RFX3: variants seen among roughly 807,000 people sequenced by gnomAD.
RFX3 encodes regulatory factor X3.
A neutral mutation model predicts 98.6 loss-of-function variants in RFX3; 14 were observed. That is an observed-to-expected ratio of 0.14 (90% confidence interval 0.09 to 0.22). RFX3 has a LOEUF of 0.22. Among genes scored for constraint, RFX3 ranks in the 10% least tolerant of loss-of-function variants. RFX3 has a pLI of 1.00. For synonymous variants in RFX3, 383 were observed against 328.4 expected, an observed-to-expected ratio of 1.17 and a Z score of -1.80; for missense variants, 639 against 926.9, an observed-to-expected ratio of 0.69 and a Z score of 4.03.
rs542411525 is a variant in RFX3, at chr9:3,329,892, C to G, written c.474+367G>C. 3.8e-4 allele frequency among the ~76,000 whole-genome samples: 58 copies of G among 152,182 alleles called. No homozygotes were observed. In the South Asian group the frequency reaches 8.7e-3, roughly 23 times the overall value. On this transcript the variant is annotated intron_variant, in intron 4 of 16. Transcript: ENST00000617270. ...TCCAAGCTAAATTATATTTTATTCT[C>G]TGTATTACTGCCTGGCTTTTATCTC...
At chr9:3,522,690 C>A (rs1439994555) in intron 1 of RFX3, among the ~76,000 whole-genome samples, 1 of 151,964 alleles carries the variant, frequency 6.6e-6, no homozygotes, top group Non-Finnish European at 1.5e-5. Flanking sequence ...TTATATTCTG[C>A]CTGCTAATTT....
chr9:3,409,891 G>C (rs1009277577), intron 1 of RFX3, among the ~76,000 whole-genome samples: 3 of 151,960 alleles, frequency 2.0e-5, no homozygotes, highest in Non-Finnish European at 4.4e-5. Flanking sequence ...ATTAGTATAA[G>C]ATCTAGTATT....
chr9:3,371,117 A>G (rs563965297), intron 2 of RFX3, among the ~76,000 whole-genome samples: 1 of 152,316 alleles, frequency 6.6e-6, no homozygotes, highest in African/African-American at 2.4e-5. Context: ...GTATAACTGC[A>G]AGGGAATATT....
chr9:3,424,738 T>C (rs1843842466), intron 1 of RFX3, among the ~76,000 whole-genome samples: 1 of 152,156 alleles, frequency 6.6e-6, no homozygotes, highest in Non-Finnish European at 1.5e-5. Flanking sequence ...ATACAAGCTA[T>C]TTTCATGCTC....
chr9:3,378,754 T>C (rs1042252253), intron 2 of RFX3, among the ~76,000 whole-genome samples: 2 of 151,802 alleles, frequency 1.3e-5, no homozygotes, highest in Non-Finnish European at 2.9e-5. Flanking sequence ...TGGGGTTTCA[T>C]CATGTTGGCC....
At chr9:3,479,124 T>C (rs1259993042) in intron 1 of RFX3, among the ~76,000 whole-genome samples, 1 of 152,202 alleles carries the variant, frequency 6.6e-6, no homozygotes, top group Non-Finnish European at 1.5e-5. Flanking sequence ...GAGATGAGAA[T>C]AACCCCAAGT....
chr9:3,419,059 T>C (rs1032639461), intron 1 of RFX3, among the ~76,000 whole-genome samples: 13 of 152,254 alleles, frequency 8.5e-5, no homozygotes, highest in African/African-American at 3.1e-4. Context: ...TTTTGAAGGA[T>C]AAAACATGTA....
intron 15 of RFX3, among the ~76,000 whole-genome samples, chr9:3,242,892 G>T (rs1296974345): frequency 1.3e-5 from 2 of 151,844 alleles, no homozygotes; most frequent in Non-Finnish European, 2.9e-5. Flanking sequence ...GGCTAAAGAG[G>T]TGGCTTAGAC....
chr9:3,265,024 A>G (rs1029781222), intron 12 of RFX3, among the ~76,000 whole-genome samples: 8 of 152,218 alleles, frequency 5.3e-5, no homozygotes, highest in African/African-American at 9.6e-5. Flanking sequence ...GCACACCTCC[A>G]TGTGGTATAC....
At chr9:3,234,021 T>A (rs1447243148) in intron 15 of RFX3, among the ~76,000 whole-genome samples, 1 of 152,240 alleles carries the variant, frequency 6.6e-6, no homozygotes, top group Non-Finnish European at 1.5e-5. Context: ...CCTGTTAGTA[T>A]ATCCAGATTA....
At chr9:3,292,742 A>T (rs879015353) in intron 6 of RFX3, among the ~76,000 whole-genome samples, 1 of 149,290 alleles carries the variant, frequency 6.7e-6, no homozygotes, top group Admixed American at 6.6e-5. Flanking sequence ...ATACATTTTT[A>T]TGTGCGTGTG....
Position 3,257,056 on chromosome 9 carries a change from G to C in RFX3, c.1749C>G (p.Pro583=). The C allele has an allele frequency of 6.2e-7, 1 of 1,613,998 alleles. No individual in the cohort carries two copies. Among genetic ancestry groups the C allele is most frequent in the East Asian group, 2.2e-5 (1 of 44,864 alleles). Residue 583 remains proline (P), a synonymous_variant, in exon 14 of 17, where the codon CCC becomes CCG. Coordinates refer to ENST00000617270, the MANE Select transcript of RFX3 (RefSeq NM_001282116.2). ...LDNVMMQALK[P]YEGRPSFPKA... ...TAGGAAAACTGGGTCTTCCTTCATA[G>C]GGTTTCAGTGCTTGCATCATCACAT...
chr9:3,322,744 A>T (rs530970447), intron 4 of RFX3, among the ~76,000 whole-genome samples: 1 of 152,294 alleles, frequency 6.6e-6, no homozygotes, highest in Admixed American at 6.5e-5. Context: ...AAAGAAAAAA[A>T]AATTGTACTG....
chr9:3,308,208 G>A (rs1329298298), intron 4 of RFX3, among the ~76,000 whole-genome samples: 3 of 152,064 alleles, frequency 2.0e-5, no homozygotes, highest in Non-Finnish European at 4.4e-5. Flanking sequence ...CATAGTGCTT[G>A]GGAATTAAGA....
chr9:3,465,046 G>T (rs1848078131), intron 1 of RFX3, among the ~76,000 whole-genome samples: 1 of 151,974 alleles, frequency 6.6e-6, no homozygotes, highest in Non-Finnish European at 1.5e-5. Context: ...TCCTAATTAA[G>T]GTATCTATAT....
At chr9:3,234,489 A>G (rs1254709944) in intron 15 of RFX3, among the ~76,000 whole-genome samples, 1 of 152,062 alleles carries the variant, frequency 6.6e-6, no homozygotes, top group Non-Finnish European at 1.5e-5. Context: ...AAATACAAAA[A>G]AGTTAGCTGG....
At chr9:3,389,411 G>A (rs746383180) in intron 2 of RFX3, among the ~76,000 whole-genome samples, 1 of 152,030 alleles carries the variant, frequency 6.6e-6, no homozygotes, top group African/African-American at 2.4e-5. Context: ...GATAGGATGG[G>A]TAATATCAAA....
chr9:3,288,311 G>C, intron 6 of RFX3, 61 bp from the exon 7 acceptor site: 2 of 1,510,246 alleles, frequency 1.3e-6, no homozygotes, highest in Non-Finnish European at 1.8e-6. Context: ...TTAATCACAT[G>C]GGATGTCCAT....
chr9:3,390,337 G>T (rs1424636677), intron 2 of RFX3, among the ~76,000 whole-genome samples: 1 of 152,174 alleles, frequency 6.6e-6, no homozygotes, highest in South Asian at 2.1e-4. Flanking sequence ...CTGGATAACA[G>T]GCAGAGGTTG....
Sources: allele counts gnomAD v4.1 joint callset (sites outside exome capture counted in the v4.1 genomes callset), GRCh38; gene constraint gnomAD v4.1.1; transcripts MANE v1.5; gene names NCBI Gene and HGNC (gene_info 2026-07-23, HGNC 2026-07-21).